The following KCNQ3 variants were observed in gnomAD, a reference collection of about 807,000 sequenced individuals.
KCNQ3 encodes the protein potassium voltage-gated channel subfamily Q member 3.
KCNQ3 carries 30 observed loss-of-function variants against 92.5 expected under a neutral mutation model. That is an observed-to-expected ratio of 0.32 (90% CI 0.24 to 0.44). The LOEUF (loss-of-function observed/expected upper bound fraction) is 0.44, where lower values mean the gene tolerates loss of function less well. KCNQ3 is among the 20% of genes least tolerant of loss of function. KCNQ3 has a pLI of 1.00. For missense variants in KCNQ3, 913 were observed against 1,140.3 expected (o/e 0.80, Z 2.87); for synonymous variants, 450 against 468.8 (o/e 0.96, Z 0.52).
chr8:132,463,077 G>A (rs1307604325), intron 1 of KCNQ3, among the ~76,000 whole-genome samples: 5 of 152,146 alleles, frequency 3.3e-5, no homozygotes, highest in Admixed American at 6.5e-5. Flanking sequence ...AAATAGCCCT[G>A]TTTTGGAAGA....
chr8:132,330,828 C>T (rs2130660303), intron 1 of KCNQ3, among the ~76,000 whole-genome samples: 1 of 152,280 alleles, frequency 6.6e-6, no homozygotes, highest in Non-Finnish European at 1.5e-5. Flanking sequence ...TTTTCCCAGG[C>T]CACACTGGGC....
chr8:132,387,725 G>T (rs1307863375), intron 1 of KCNQ3, among the ~76,000 whole-genome samples: 4 of 152,158 alleles, frequency 2.6e-5, no homozygotes, highest in African/African-American at 9.7e-5. Context: ...AATAGGCTGG[G>T]CCCAGTGGAT....
At chr8:132,396,672 T>C (rs1820201773) in intron 1 of KCNQ3, among the ~76,000 whole-genome samples, 1 of 152,166 alleles carries the variant, frequency 6.6e-6, no homozygotes, top group South Asian at 2.1e-4. Context: ...CATTTTCTCC[T>C]AGTGAGTTAA....
intron 1 of KCNQ3, among the ~76,000 whole-genome samples, chr8:132,445,731 T>A (rs1412035233): frequency 1.4e-5 from 2 of 142,922 alleles, no homozygotes. Context: ...TCTTACTATG[T>A]GTCAGGCATT....
chr8:132,259,059 A>G (rs980244156), intron 1 of KCNQ3, among the ~76,000 whole-genome samples: 1 of 152,088 alleles, frequency 6.6e-6, no homozygotes, highest in Non-Finnish European at 1.5e-5. Flanking sequence ...TGCCTTCACT[A>G]GTGATTTCTA....
At chr8:132,469,133 G>T (rs534999581) in intron 1 of KCNQ3, among the ~76,000 whole-genome samples, 17 of 152,268 alleles carry the variant, frequency 1.1e-4, no homozygotes, top group Middle Eastern at 3.4e-3. Context: ...TTTCCAAAGG[G>T]TGATCACCTT....
rs529472636 is a variant in KCNQ3, at chr8:132,192,700, A to C, written c.387-6519T>G. On this transcript the variant is annotated intron_variant, in intron 1 of 14. Coordinates refer to ENST00000388996, the MANE Select transcript of KCNQ3 (RefSeq NM_004519.4). The stretch of plus-strand genomic sequence containing the variant: ...AATCTCGCTCTGTCACCCAGGCTGG[A>C]GTGCAGTGACGCAATCTCCGCTCAC... 1.3e-5 allele frequency among the ~76,000 whole-genome samples: 2 copies of C among 152,182 alleles called. 1 individual carries two copies. Among genetic ancestry groups the C allele is most frequent in the South Asian group, 4.2e-4 (2 of 4,818 alleles).
intron 1 of KCNQ3, among the ~76,000 whole-genome samples, chr8:132,207,944 A>G (rs918344400): frequency 6.7e-6 from 1 of 150,112 alleles, no homozygotes; most frequent in Non-Finnish European, 1.5e-5. Flanking sequence ...AAAAAAAAAG[A>G]ACGTGCATCA....
At chr8:132,187,953 T>G (rs79349895) in intron 1 of KCNQ3, among the ~76,000 whole-genome samples, 98 of 136,024 alleles carry the variant, frequency 7.2e-4, no homozygotes, top group African/African-American at 2.6e-3. Context: ...TGGTGGTGGT[T>G]GTGATGATGG....
chr8:132,381,021 A>G (rs969788454), intron 1 of KCNQ3, among the ~76,000 whole-genome samples: 3 of 151,896 alleles, frequency 2.0e-5, no homozygotes, highest in Admixed American at 6.6e-5. Flanking sequence ...GGGAGGATAG[A>G]GCAAAGGGAA....
At chr8:132,197,074 T>G (rs778713125) in intron 1 of KCNQ3, among the ~76,000 whole-genome samples, 13 of 151,230 alleles carry the variant, frequency 8.6e-5, no homozygotes, top group Non-Finnish European at 1.6e-4. Flanking sequence ...AATGAGCAAA[T>G]CAACTAAAAA....
chr8:132,225,609 G>A (rs1347088607), intron 1 of KCNQ3, among the ~76,000 whole-genome samples: 2 of 152,152 alleles, frequency 1.3e-5, no homozygotes. Context: ...AGCCAATTAT[G>A]GACACCTCTT....
chr8:132,347,716 G>A (rs1186990392), intron 1 of KCNQ3, among the ~76,000 whole-genome samples: 2 of 152,136 alleles, frequency 1.3e-5, no homozygotes, highest in Non-Finnish European at 2.9e-5. Context: ...AGTGGCTCAC[G>A]CCTGTAATCC....
chr8:132,230,451 G>GAGAGAGAGAGAGAGAGAGAGAGAGAGAC, intron 1 of KCNQ3, among the ~76,000 whole-genome samples: 8 of 33,288 alleles, frequency 2.4e-4, no homozygotes, highest in African/African-American at 2.3e-3. Context: ...GAGAGAGACA[G>GAGAGAGAGAGAGAGAGAGAGAGAGAGAC]AGAGAGAGAG....
At chr8:132,181,422 T>C (rs191961633) in intron 3 of KCNQ3, among the ~76,000 whole-genome samples, 2 of 152,324 alleles carry the variant, frequency 1.3e-5, no homozygotes, top group East Asian at 3.9e-4. Context: ...ACATAATAAT[T>C]GTACATATTC....
At chr8:132,277,906 G>GC (rs1396105243) in intron 1 of KCNQ3, 1 of 975,274 alleles carries the variant, frequency 1.0e-6, no homozygotes. Context: ...TCTGCTTCCT[G>GC]CTCCTACCTC....
At chr8:132,337,802 T>G (rs144174585) in intron 1 of KCNQ3, among the ~76,000 whole-genome samples, 1 of 152,210 alleles carries the variant, frequency 6.6e-6, no homozygotes, top group Non-Finnish European at 1.5e-5. Flanking sequence ...AAATATTCAA[T>G]GCATATTGCC....
intron 1 of KCNQ3, among the ~76,000 whole-genome samples, chr8:132,408,673 C>G (rs1411722925): frequency 1.3e-5 from 2 of 152,108 alleles, no homozygotes; most frequent in Non-Finnish European, 2.9e-5. Flanking sequence ...AGGAGATTAT[C>G]CTGGGTGGGC....
intron 1 of KCNQ3, among the ~76,000 whole-genome samples, chr8:132,349,534 A>C (rs1224818299): frequency 4.6e-5 from 7 of 152,202 alleles, no homozygotes; most frequent in Admixed American, 4.6e-4. Context: ...TGACTAATAA[A>C]ATATTATAAG....
Sources: allele counts gnomAD v4.1 joint callset (sites outside exome capture counted in the v4.1 genomes callset), GRCh38; gene constraint gnomAD v4.1.1; transcripts MANE v1.5; gene names NCBI Gene and HGNC (gene_info 2026-07-23, HGNC 2026-07-21).